UROC1: variants seen among roughly 807,000 people sequenced by gnomAD.
UROC1 encodes urocanate hydratase 1, also known as urocanate hydratase.
Under a neutral mutation model 89.5 loss-of-function variants are expected in UROC1, and 79 were observed. That is an observed-to-expected ratio of 0.88 (90% CI 0.74 to 1.06). The LOEUF is 1.06. Ranked by LOEUF, UROC1 falls within the 50% of genes least tolerant of loss-of-function variation. UROC1 has a pLI of 0.00. For synonymous variants in UROC1, 361 were observed against 354.8 expected, an observed-to-expected ratio of 1.02 and a Z score of -0.20; for missense variants, 885 against 907.8, an observed-to-expected ratio of 0.97 and a Z score of 0.32.
chr3:126,499,627 C>T (rs1354884751), intron 12 of UROC1, among the ~76,000 whole-genome samples: 1 of 152,242 alleles, frequency 6.6e-6, no homozygotes, highest in East Asian at 1.9e-4. Flanking sequence ...CTGTGTCAGC[C>T]TCCAGCGCGC....
At chr3:126,498,379 G>A (rs1402958807) in intron 13 of UROC1, among the ~76,000 whole-genome samples, 3 of 152,138 alleles carry the variant, frequency 2.0e-5, no homozygotes, top group Admixed American at 1.3e-4. Context: ...CCTCCTGGCT[G>A]TACCATCTCT....
rs998577264 is a variant in UROC1 at position 126,500,970 on chromosome 3, C to T, written c.966-96G>A. On this transcript the variant is annotated intron_variant, in intron 10 of 19. Transcript: ENST00000290868. Reference sequence around the variant, plus strand: ...GGGGACCCTAGCACATTTTCCCACCCACAAATCCAGCAGGCACAGCCCGAG... The same window carrying T: ...GGGGACCCTAGCACATTTTCCCACCTACAAATCCAGCAGGCACAGCCCGAG... 7 of 1,529,708 alleles carry T rather than the reference C, an allele frequency of 4.6e-6. No homozygotes were observed. In the East Asian group the frequency reaches 1.6e-4, roughly 36 times the overall value. The allele number at this position is 1,529,708 out of a possible 1,614,324, so 94.8% of individuals were successfully genotyped here.
At chr3:126,482,745 C>T (rs545125271) in intron 19 of UROC1, among the ~76,000 whole-genome samples, 8 of 152,208 alleles carry the variant, frequency 5.3e-5, no homozygotes, top group African/African-American at 9.6e-5. Flanking sequence ...CTGAGTCCTC[C>T]GCAGCACCTC....
intron 14 of UROC1, among the ~76,000 whole-genome samples, chr3:126,496,357 G>A (rs539612933): frequency 1.3e-5 from 2 of 151,958 alleles, no homozygotes; most frequent in East Asian, 1.9e-4. Flanking sequence ...TCCACAAATA[G>A]CTATTCAGTG....
At chr3:126,503,051 A>G (rs574624758) in intron 9 of UROC1, among the ~76,000 whole-genome samples, 4 of 151,886 alleles carry the variant, frequency 2.6e-5, no homozygotes, top group African/African-American at 9.7e-5. Context: ...GTGTGTGTGT[A>G]CATGCACACA....
chr3:126,483,462 C>T lies in UROC1; in HGVS notation c.1797G>A (p.Glu599=), dbSNP rs1223062998. 6.2e-7 allele frequency: 1 copy of T among 1,613,722 alleles called. No homozygotes were observed. The highest frequency in any genetic ancestry group is 1.7e-5 in the Admixed American group (1 of 60,012). The change falls in exon 19 of 20, where the codon GAG becomes GAA. Residue 599 remains glutamate (E), a synonymous_variant. Coordinates refer to ENST00000290868, the MANE Select transcript of UROC1 (RefSeq NM_144639.3). ...LHNGGGVGWG[E]VINGGFGLVL... ...CGAGGCCGAATCCCCCGTTGATCAC[C>T]TCACCCCTGCAGGAGGCAGAGGAGT...
At chr3:126,496,767 T>A (rs1482165991) in intron 14 of UROC1, among the ~76,000 whole-genome samples, 5 of 152,218 alleles carry the variant, frequency 3.3e-5, no homozygotes, top group Admixed American at 3.3e-4. Flanking sequence ...AAGCTTACAC[T>A]TTTACCAAAT....
At chr3:126,495,955 G>T in intron 15 of UROC1, 83 bp downstream of exon 15, 1 of 1,371,252 alleles carries the variant, frequency 7.3e-7, no homozygotes. Flanking sequence ...GGACCAGGCT[G>T]AGCGCCCGTC....
At chr3:126,503,031 G>T (rs531571361) in intron 9 of UROC1, among the ~76,000 whole-genome samples, 1 of 151,890 alleles carries the variant, frequency 6.6e-6, no homozygotes, top group Non-Finnish European at 1.5e-5. Flanking sequence ...ATGTGTGTGC[G>T]TTTATGTGTG....
intron 12 of UROC1, among the ~76,000 whole-genome samples, chr3:126,499,777 C>G (rs1235217445): frequency 6.6e-6 from 1 of 152,210 alleles, no homozygotes; most frequent in Non-Finnish European, 1.5e-5. Flanking sequence ...AGGAAAGCTG[C>G]AATTTTGGGA....
At chr3:126,492,563 T>C (rs1209222799) in intron 15 of UROC1, 47 bp from the exon 16 acceptor site, 1 of 1,491,134 alleles carries the variant, frequency 6.7e-7, no homozygotes, top group Non-Finnish European at 9.2e-7. Context: ...TAGGCAGCAA[T>C]AACAGGACCT....
At chr3:126,485,377 C>T (rs1357870244) in intron 18 of UROC1, among the ~76,000 whole-genome samples, 6 of 150,694 alleles carry the variant, frequency 4.0e-5, no homozygotes, top group Non-Finnish European at 8.9e-5. Context: ...TCAATCATGG[C>T]ACTCCAGGGC....
At chr3:126,516,842 T>C (rs1936341018) in intron 1 of UROC1, among the ~76,000 whole-genome samples, 1 of 150,646 alleles carries the variant, frequency 6.6e-6, no homozygotes, top group South Asian at 2.1e-4. Flanking sequence ...CAGCCATCTT[T>C]ACCTGGGGAG....
intron 2 of UROC1, among the ~76,000 whole-genome samples, chr3:126,510,283 T>G (rs1487975470): frequency 6.6e-6 from 1 of 152,172 alleles, no homozygotes; most frequent in Non-Finnish European, 1.5e-5. Context: ...ATCGAGATCG[T>G]GAGGTATTTG....
At position 126,501,210 on chromosome 3, in the gene UROC1, C is replaced by T. The variant is rs961077261; in HGVS notation, c.965+8G>A. The T allele has an allele frequency of 1.2e-6, 2 of 1,614,136 alleles. No individual in the cohort carries two copies. Among genetic ancestry groups the T allele is most frequent in the South Asian group, 2.2e-5 (2 of 91,082 alleles). On this transcript the variant is annotated splice_region_variant and intron_variant, in intron 10 of 19. Transcript: ENST00000290868. Reference sequence around the variant, plus strand: ...CAAGCTGGCCATCAACTCCCAACCCCCACTCACCAAAGAGCCACCACGTTG... The same window carrying T: ...CAAGCTGGCCATCAACTCCCAACCCTCACTCACCAAAGAGCCACCACGTTG...
chr3:126,507,916 C>A, intron 5 of UROC1, 51 bp downstream of exon 5: 1 of 1,613,240 alleles, frequency 6.2e-7, no homozygotes, highest in Non-Finnish European at 8.5e-7. Flanking sequence ...AGCGTCTGCA[C>A]CCTCTCTTTG....
intron 19 of UROC1, 27 bp from the exon 20 acceptor site, chr3:126,482,512 C>T (rs1935412394): frequency 6.2e-7 from 1 of 1,613,652 alleles, no homozygotes. Context: ...GATAGCAGTC[C>T]ATGTCAACAT....
At chr3:126,496,459 T>G in intron 14 of UROC1, among the ~76,000 whole-genome samples, 1 of 152,096 alleles carries the variant, frequency 6.6e-6, no homozygotes, top group African/African-American at 2.4e-5. Flanking sequence ...CTCCCCAGGA[T>G]GGTGGATGCG....
At position 126,484,186 on chromosome 3, in the gene UROC1, C is replaced by G. The variant is rs150590111; in HGVS notation, c.1791-718G>C. On this transcript the variant is annotated intron_variant, in intron 18 of 19. Coordinates refer to ENST00000290868, the MANE Select transcript of UROC1 (RefSeq NM_144639.3). ...TCCTTCTAACAGTTTTTGATATGTTCTTGGTTTCATTTGTTTCCTAGTAGA... is the reference window on the plus strand; with the variant it reads ...TCCTTCTAACAGTTTTTGATATGTTGTTGGTTTCATTTGTTTCCTAGTAGA... Among the ~76,000 whole-genome samples the G allele has an allele frequency of 2.9e-3, 446 of 152,228 alleles. 2 individuals carry two copies. Among genetic ancestry groups the G allele is most frequent in the Non-Finnish European group, 4.3e-3 (293 of 68,018 alleles).
Sources: allele counts gnomAD v4.1 joint callset (sites outside exome capture counted in the v4.1 genomes callset), GRCh38; gene constraint gnomAD v4.1.1; transcripts MANE v1.5; gene names NCBI Gene and HGNC (gene_info 2026-07-23, HGNC 2026-07-21).